FAF1: variants seen among roughly 807,000 people sequenced by gnomAD.
The protein encoded by FAF1 is FAS-associated factor 1.
Under a neutral mutation model 92.5 loss-of-function variants are expected in FAF1, and 25 were observed. The observed-to-expected ratio is 0.27, with a 90% confidence interval of 0.20 to 0.38. The LOEUF is 0.38. FAF1 is among the 10% of genes least tolerant of loss of function. The probability of loss-of-function intolerance (pLI) is 1.00; values close to 1 mark genes in which losing one functional copy is unlikely to be tolerated. For missense variants in FAF1, 636 were observed against 793.3 expected (o/e 0.80, Z 2.38); for synonymous variants, 234 against 273.2 (o/e 0.86, Z 1.42).
chr1:50,901,961 T>C (rs1432447353), intron 1 of FAF1, among the ~76,000 whole-genome samples: 1 of 152,210 alleles, frequency 6.6e-6, no homozygotes, highest in African/African-American at 2.4e-5. Flanking sequence ...TCAAGCATCT[T>C]TGCACACTGT....
At position 50,878,486 on chromosome 1, in the gene FAF1, G is replaced by A. The variant is rs553452989; in HGVS notation, c.46-20489C>T. ...ATTTCACCCTAAGACCTAGAGCTAAGATATAAAAGTTATCAAAATACAGCA... is the reference window on the plus strand; with the variant it reads ...ATTTCACCCTAAGACCTAGAGCTAAAATATAAAAGTTATCAAAATACAGCA... On this transcript the variant is annotated intron_variant, in intron 1 of 18. Coordinates refer to ENST00000396153, the MANE Select transcript of FAF1 (RefSeq NM_007051.3). Among the ~76,000 whole-genome samples the A allele has an allele frequency of 1.7e-4, 26 of 152,226 alleles. No individual in the cohort carries two copies. In the South Asian group the frequency reaches 4.1e-3, roughly 24 times the overall value.
At chr1:50,482,981 TGATA>T (rs1231335683) in intron 17 of FAF1, among the ~76,000 whole-genome samples, 1 of 152,200 alleles carries the variant, frequency 6.6e-6, no homozygotes, top group Non-Finnish European at 1.5e-5. Flanking sequence ...TTTCTAATCT[TGATA>T]AAGTCTAATT....
chr1:50,734,879 T>C (rs1569856909), intron 6 of FAF1, among the ~76,000 whole-genome samples: 1 of 152,288 alleles, frequency 6.6e-6, no homozygotes, highest in Admixed American at 6.5e-5. Context: ...AAGTTATCTA[T>C]ACATATTTAG....
At chr1:50,806,367 C>A (rs922610308) in intron 2 of FAF1, among the ~76,000 whole-genome samples, 19 of 152,156 alleles carry the variant, frequency 1.2e-4, no homozygotes, top group African/African-American at 3.6e-4. Flanking sequence ...CAAGTATTAG[C>A]AATAATATCA....
rs563452312 is a variant in FAF1, at chr1:50,759,088, C to T, written c.368-14313G>A. On this transcript the variant is annotated intron_variant, in intron 4 of 18. Coordinates refer to ENST00000396153, the MANE Select transcript of FAF1 (RefSeq NM_007051.3). ...CAATCTCCCGACCTCATGATCTGCCCGCCTCAGCCTCCCAAAGTGCTGTGT... is the reference window on the plus strand; with the variant it reads ...CAATCTCCCGACCTCATGATCTGCCTGCCTCAGCCTCCCAAAGTGCTGTGT... Among the ~76,000 whole-genome samples the T allele has an allele frequency of 2.3e-4, 35 of 152,010 alleles. No individual in the cohort carries two copies. The South Asian group carries it at 5.4e-3, about 24-fold the overall frequency.
chr1:50,621,229 A>G (rs1034694911), intron 8 of FAF1, among the ~76,000 whole-genome samples: 2 of 151,900 alleles, frequency 1.3e-5, no homozygotes, highest in Admixed American at 6.6e-5. Context: ...CTGGGAAAAT[A>G]CTCAGGTGGA....
At chr1:50,867,861 G>GA (rs1336783260) in intron 1 of FAF1, among the ~76,000 whole-genome samples, 1 of 152,046 alleles carries the variant, frequency 6.6e-6, no homozygotes, top group Non-Finnish European at 1.5e-5. Context: ...GTCATTATAT[G>GA]AAAAAGACTC....
chr1:50,447,621 A>G (rs1170606140), intron 18 of FAF1, among the ~76,000 whole-genome samples: 1 of 152,224 alleles, frequency 6.6e-6, no homozygotes, highest in Admixed American at 6.5e-5. Context: ...TCTCAGGAGC[A>G]ACCCTTTGCC....
intron 15 of FAF1, among the ~76,000 whole-genome samples, chr1:50,495,429 A>G (rs1646886979): frequency 6.6e-6 from 1 of 152,216 alleles, no homozygotes; most frequent in African/African-American, 2.4e-5. Flanking sequence ...ATGTTGTTGC[A>G]AATCACAGGA....
chr1:50,582,842 G>A (rs1651052718), intron 11 of FAF1, 143 bp from the exon 12 acceptor site: 4 of 591,994 alleles, frequency 6.8e-6, no homozygotes, highest in South Asian at 2.3e-5. Context: ...TAAAAGCTTG[G>A]AAATGAGCTT....
chr1:50,748,128 GACT>G (rs1207394531), intron 4 of FAF1, among the ~76,000 whole-genome samples: 1 of 152,140 alleles, frequency 6.6e-6, no homozygotes. Flanking sequence ...AGAGAAATGA[GACT>G]TAAATTAAAC....
At position 50,642,284 on chromosome 1, in the gene FAF1, G is replaced by C. The variant is rs202033561; in HGVS notation, c.744+13158C>G. Among the ~76,000 whole-genome samples, 9 of 151,684 alleles carry C rather than the reference G, an allele frequency of 5.9e-5. No homozygotes were observed. In the East Asian group the frequency reaches 1.7e-3, roughly 29 times the overall value. The stretch of plus-strand genomic sequence containing the variant: ...CCCAAATTTCTTATGTTTAGTGTTT[G>C]GATGGCAAATATTTTTATGCTTGTT... On this transcript the variant is annotated intron_variant, in intron 8 of 18. Coordinates refer to ENST00000396153, the MANE Select transcript of FAF1 (RefSeq NM_007051.3).
At chr1:50,605,669 A>G (rs1456263603) in intron 8 of FAF1, among the ~76,000 whole-genome samples, 1 of 152,122 alleles carries the variant, frequency 6.6e-6, no homozygotes. Context: ...GTTGCTTATG[A>G]GCACCCTCTG....
intron 6 of FAF1, among the ~76,000 whole-genome samples, chr1:50,733,123 T>C (rs1658998090): frequency 6.6e-6 from 1 of 152,212 alleles, no homozygotes; most frequent in Non-Finnish European, 1.5e-5. Context: ...TAAGATAACA[T>C]ATATAACAGG....
At chr1:50,472,642 C>T (rs566730370) in intron 18 of FAF1, among the ~76,000 whole-genome samples, 25 of 152,066 alleles carry the variant, frequency 1.6e-4, no homozygotes, top group Non-Finnish European at 3.1e-4. Flanking sequence ...AGAACACTTA[C>T]CAGGTCCTCT....
At chr1:50,654,339 G>A (rs1290571812) in intron 8 of FAF1, among the ~76,000 whole-genome samples, 1 of 152,052 alleles carries the variant, frequency 6.6e-6, no homozygotes, top group Non-Finnish European at 1.5e-5. Context: ...TGTAACTTGA[G>A]ATTTCCAGAA....
chr1:50,582,549 AT>A, intron 12 of FAF1, 68 bp downstream of exon 12: 1 of 952,224 alleles, frequency 1.1e-6, no homozygotes, highest in Admixed American at 2.1e-5. Context: ...ACATTTAAGC[AT>A]TGCCTCAGCC....
intron 13 of FAF1, among the ~76,000 whole-genome samples, chr1:50,563,576 A>T (rs1209147413): frequency 6.6e-6 from 1 of 152,190 alleles, no homozygotes; most frequent in East Asian, 1.9e-4. Context: ...TCCAATTTAG[A>T]TATGCAATAT....
chr1:50,801,418 T>C (rs1661983954), intron 3 of FAF1, among the ~76,000 whole-genome samples: 1 of 152,230 alleles, frequency 6.6e-6, no homozygotes, highest in African/African-American at 2.4e-5. Context: ...CCTTAAAAGA[T>C]GGTGTTACCA....
Sources: allele counts gnomAD v4.1 joint callset (sites outside exome capture counted in the v4.1 genomes callset), GRCh38; gene constraint gnomAD v4.1.1; transcripts MANE v1.5; gene names NCBI Gene and HGNC (gene_info 2026-07-23, HGNC 2026-07-21).